WDR41: variants seen among roughly 807,000 people sequenced by gnomAD.
WDR41 encodes the protein WD repeat domain 41.
In WDR41, 63 loss-of-function variants were observed where a neutral mutation model predicts 69.3. The ratio of observed to expected loss-of-function variants is 0.91; its 90% CI spans 0.74 to 1.12. The LOEUF is 1.12. Ranked by LOEUF, WDR41 falls within the 50% of genes most tolerant of loss-of-function variation. WDR41 has a pLI of 0.00. For missense variants in WDR41, 543 were observed against 534.5 expected (o/e 1.02, Z -0.16); for synonymous variants, 185 against 192.1 (o/e 0.96, Z 0.31).
chr5:77,592,653 T>C (rs1249105988), intron 1 of WDR41, among the ~76,000 whole-genome samples: 1 of 152,146 alleles, frequency 6.6e-6, no homozygotes, highest in Non-Finnish European at 1.5e-5. Flanking sequence ...ATCTTTCAGT[T>C]TGGAAAAGAG....
chr5:77,614,637 G>T (rs1488303081), intron 1 of WDR41, among the ~76,000 whole-genome samples: 9 of 137,376 alleles, frequency 6.6e-5, no homozygotes, highest in African/African-American at 2.2e-4. Flanking sequence ...CACACTCTGG[G>T]GACTGTTGTG....
chr5:77,576,595 T>C (rs1485115615), intron 1 of WDR41, among the ~76,000 whole-genome samples: 1 of 152,204 alleles, frequency 6.6e-6, no homozygotes, highest in African/African-American at 2.4e-5. Flanking sequence ...CCATGATCTC[T>C]GGCTACCTCA....
intron 1 of WDR41, among the ~76,000 whole-genome samples, chr5:77,550,467 A>C (rs1337596703): frequency 1.5e-4 from 23 of 152,216 alleles, no homozygotes; most frequent in Non-Finnish European, 2.9e-5. Context: ...AAGAAGACAA[A>C]AAAGTGGCCA....
chr5:77,556,514 TCTC>T (rs1450040514), intron 1 of WDR41, among the ~76,000 whole-genome samples: 1 of 151,250 alleles, frequency 6.6e-6, no homozygotes, highest in Non-Finnish European at 1.5e-5. Flanking sequence ...TTCAAGCAAT[TCTC>T]CTACGTGTAG....
At chr5:77,581,619 T>C (rs919916825) in intron 1 of WDR41, among the ~76,000 whole-genome samples, 2 of 152,154 alleles carry the variant, frequency 1.3e-5, no homozygotes, top group Non-Finnish European at 2.9e-5. Context: ...TGAATCTCAG[T>C]AAATTTAAAA....
chr5:77,593,680 A>T (rs1191789541), intron 1 of WDR41, among the ~76,000 whole-genome samples: 1 of 152,166 alleles, frequency 6.6e-6, no homozygotes, highest in Non-Finnish European at 1.5e-5. Flanking sequence ...TAGAATATTA[A>T]AGCTGGAAGA....
intron 1 of WDR41, among the ~76,000 whole-genome samples, chr5:77,594,243 C>T (rs1744180614): frequency 8.1e-6 from 1 of 124,220 alleles, no homozygotes; most frequent in East Asian, 2.3e-4. Flanking sequence ...GGAAGGGGAA[C>T]ATCACACACC....
chr5:77,611,334 C>G (rs1744545528), intron 1 of WDR41, among the ~76,000 whole-genome samples: 1 of 152,242 alleles, frequency 6.6e-6, no homozygotes, highest in South Asian at 2.1e-4. Flanking sequence ...ACTCTCCACC[C>G]CAAATCAACA....
At chr5:77,510,900 T>C (rs895614968) in intron 1 of WDR41, among the ~76,000 whole-genome samples, 2 of 150,674 alleles carry the variant, frequency 1.3e-5, no homozygotes, top group Non-Finnish European at 2.9e-5. Context: ...GCCTCCCAAG[T>C]AGCTGGGATT....
At chr5:77,541,110 G>A (rs1743080161) in intron 1 of WDR41, among the ~76,000 whole-genome samples, 1 of 152,168 alleles carries the variant, frequency 6.6e-6, no homozygotes, top group Non-Finnish European at 1.5e-5. Context: ...AGTAATCTCA[G>A]GTGGAAAGTC....
intron 1 of WDR41, chr5:77,546,240 C>A: frequency 2.6e-6 from 1 of 387,508 alleles, no homozygotes; most frequent in Admixed American, 3.7e-5. Flanking sequence ...GCAAAGGACC[C>A]AGGCTCCAGC....
chr5:77,468,894 TTGATA>T (rs1800425441), intron 2 of WDR41, among the ~76,000 whole-genome samples: 1 of 137,652 alleles, frequency 7.3e-6, no homozygotes, highest in South Asian at 2.6e-4. Flanking sequence ...GCACAACTGC[TTGATA>T]TATCTCTAAA....
At chr5:77,509,513 G>A (rs1374723982) in intron 1 of WDR41, among the ~76,000 whole-genome samples, 1 of 152,158 alleles carries the variant, frequency 6.6e-6, no homozygotes, top group African/African-American at 2.4e-5. Flanking sequence ...AGAATATTAT[G>A]CCATAAAAAG....
intron 2 of WDR41, among the ~76,000 whole-genome samples, chr5:77,471,261 G>A (rs576212721): frequency 5.8e-4 from 88 of 152,210 alleles, no homozygotes; most frequent in African/African-American, 2.1e-3. Context: ...AGAATCTCTA[G>A]GACACATTCA....
rs1171835233 is a variant in WDR41 at position 77,431,272 on chromosome 5, C to T, written c.*1863G>A. 1.3e-5 allele frequency: 2 copies of T among 152,524 alleles called. No homozygotes were observed. The highest frequency in any genetic ancestry group is 6.5e-5 in the Admixed American group (1 of 15,292). 9.4% of individuals were successfully genotyped at this position (152,524 alleles called of 1,614,324 possible). ...AAGGAACTGCCACAGCCACCCCAAC[C>T]TTCAGTAACCACCTTAGTCAACAGC... is the stretch of plus-strand genomic sequence containing the variant. On this transcript the variant is annotated 3_prime_UTR_variant, in exon 13 of 13. Transcript: ENST00000296679.
At chr5:77,569,305 T>C (rs147166161) in intron 1 of WDR41, among the ~76,000 whole-genome samples, 1 of 152,322 alleles carries the variant, frequency 6.6e-6, no homozygotes, top group Non-Finnish European at 1.5e-5. Flanking sequence ...AATGCCTTTC[T>C]ATATGGGCTT....
chr5:77,520,848 G>T (rs1802359655), intron 1 of WDR41, among the ~76,000 whole-genome samples: 1 of 152,104 alleles, frequency 6.6e-6, no homozygotes, highest in Non-Finnish European at 1.5e-5. Flanking sequence ...ATTTTATACA[G>T]GGCCGAAAAC....
At chr5:77,487,486 C>T (rs1055661396) in intron 2 of WDR41, among the ~76,000 whole-genome samples, 6 of 152,156 alleles carry the variant, frequency 3.9e-5, no homozygotes, top group South Asian at 2.1e-4. Context: ...TGCATCACAA[C>T]AGGAAAACAG....
At chr5:77,506,028 T>C (rs1451259086) in intron 1 of WDR41, among the ~76,000 whole-genome samples, 2 of 152,074 alleles carry the variant, frequency 1.3e-5, no homozygotes, top group Non-Finnish European at 2.9e-5. Context: ...AAAGCCAAAA[T>C]AGACAAATGA....
Sources: gnomAD v4.1 joint callset for allele counts (sites outside exome capture counted in the v4.1 genomes callset) on GRCh38, gnomAD v4.1.1 for gene constraint, MANE v1.5 for transcripts, NCBI Gene and HGNC (gene_info 2026-07-23, HGNC 2026-07-21) for gene names.